LILRA4: variants seen among roughly 807,000 people sequenced by gnomAD.
The protein encoded by LILRA4 is leukocyte immunoglobulin-like receptor subfamily A member 4.
A neutral mutation model predicts 49.5 loss-of-function variants in LILRA4; 51 were observed. That is an observed-to-expected ratio of 1.03 (90% CI 0.82 to 1.30). LILRA4 has a LOEUF of 1.30. LILRA4 is among the 50% of genes most tolerant of loss of function. LILRA4 has a pLI of 0.00. For missense variants in LILRA4, 624 were observed against 625.6 expected, an observed-to-expected ratio of 1.00 and a Z score of 0.03; for synonymous variants, 272 against 265.6, an observed-to-expected ratio of 1.02 and a Z score of -0.23.
At position 54,338,522 on chromosome 19, in the gene LILRA4, A is replaced by G. The variant is rs758735214; in HGVS notation, c.229T>C (p.Ser77Pro). The change falls in exon 3 of 8, where the codon TCT becomes CCT. Residue 77 changes from serine to proline, a missense_variant. Coordinates refer to ENST00000291759, the MANE Select transcript of LILRA4 (RefSeq NM_012276.5). Reference sequence around the variant, plus strand: ...ATGGAGAGTTTGACCTTGTTTTCAGACTCCAGTGTTTTTAATATGTGCCTC... The same window carrying G: ...ATGGAGAGTTTGACCTTGTTTTCAGGCTCCAGTGTTTTTAATATGTGCCTC... ...MSRHILKTLESENKVKLSIPS... is the reference protein window; with the variant it reads ...MSRHILKTLEPENKVKLSIPS... 1 of 1,613,614 alleles carries G rather than the reference A, an allele frequency of 6.2e-7. No individual in the cohort carries two copies. Among genetic ancestry groups the G allele is most frequent in the South Asian group, 1.1e-5 (1 of 91,054 alleles).
Position 54,338,660 on chromosome 19 carries a change from G to A in LILRA4, c.91C>T (p.Leu31=). ...VQAENLLKPI[L]WAEPGPVITW... ...ATCACGGGACCTGGCTCGGCCCACA[G>A]GATGGGTTTGAGTAGGTTTTCTGGA... The change falls in exon 3 of 8, where the codon CTG becomes TTG. Residue 31 remains leucine, a synonymous_variant. Coordinates refer to ENST00000291759, the MANE Select transcript of LILRA4 (RefSeq NM_012276.5). 1 of 1,611,150 alleles carries A rather than the reference G, an allele frequency of 6.2e-7. No homozygotes were observed. Among genetic ancestry groups the A allele is most frequent in the Non-Finnish European group, 8.5e-7 (1 of 1,178,426 alleles).
intron 3 of LILRA4, 45 bp downstream of exon 3, chr19:54,338,351 C>A: frequency 1.2e-6 from 2 of 1,610,082 alleles, no homozygotes; most frequent in Non-Finnish European, 1.7e-6. Context: ...CGACCCCCTT[C>A]CCGAGGGCAG....
At chr19:54,337,341 C>T (rs2081336858) in intron 5 of LILRA4, 59 bp downstream of exon 5, 2 of 1,590,690 alleles carry the variant, frequency 1.3e-6, no homozygotes, top group African/African-American at 2.7e-5. Flanking sequence ...ACCTGGGCTC[C>T]CCCAGCAGGG....
Position 54,333,691 on chromosome 19 carries a change from C to G in LILRA4, c.1381G>C (p.Gly461Arg). 1 of 1,614,074 alleles carries G rather than the reference C, an allele frequency of 6.2e-7. No individual in the cohort carries two copies. The highest frequency in any genetic ancestry group is 1.3e-5 in the African/African-American group (1 of 74,994). Residue 461 changes from glycine to arginine, a missense_variant, in exon 8 of 8, where the codon GGG becomes CGG. Gly to Arg is a moderately radical substitution (Grantham distance 125, BLOSUM62 -2). Coordinates refer to ENST00000291759, the MANE Select transcript of LILRA4 (RefSeq NM_012276.5). ...TGCTGAGCCTCAAATAACAGAATCC[C>G]GAGGAACAGCAGGACCAAGCCAGCC... Reference protein sequence around the residue: ...GVAGLVLLFLGILLFEAQHSQ... With the variant: ...GVAGLVLLFLRILLFEAQHSQ...
chr19:54,333,438 C>T lies in LILRA4; in HGVS notation c.*134G>A. 1 of 832,914 alleles carries T rather than the reference C, an allele frequency of 1.2e-6. No homozygotes were observed. Among genetic ancestry groups the T allele is most frequent in the East Asian group, 2.6e-5 (1 of 38,674 alleles). 51.6% of individuals were successfully genotyped at this position (832,914 alleles called of 1,614,324 possible). A position where few individuals can be genotyped will look rare whatever the true frequency, so the allele number is the denominator to read the frequency against. ...GTCGACAATGAGGAGGAAAGCACCACAGTTTAATGGAGGAAGCATCTTCTA... is the reference window on the plus strand; with the variant it reads ...GTCGACAATGAGGAGGAAAGCACCATAGTTTAATGGAGGAAGCATCTTCTA... On this transcript the variant is annotated 3_prime_UTR_variant, in exon 8 of 8. Transcript: ENST00000291759.
Position 54,333,688 on chromosome 19 carries a change from TC to T in LILRA4, c.1383del (p.Ile462PhefsTer82). 1 of 1,613,998 alleles carries T rather than the reference TC, an allele frequency of 6.2e-7. No homozygotes were observed. Among genetic ancestry groups the T allele is most frequent in the East Asian group, 2.2e-5 (1 of 44,870 alleles). On this transcript the variant is annotated frameshift_variant, in exon 8 of 8. Coordinates refer to ENST00000291759, the MANE Select transcript of LILRA4 (RefSeq NM_012276.5). LOFTEE classifies it low-confidence loss of function (END_TRUNC). ...CTGTGCTGAGCCTCAAATAACAGAA[TC>T]CCGAGGAACAGCAGGACCAAGCCAG... Reference protein sequence around the residue: ...GVAGLVLLFLGILLFEAQHSQ... With the variant: ...GVAGLVLLFLXILLFEAQHSQ...
intron 5 of LILRA4, 63 bp from the exon 6 acceptor site, chr19:54,337,206 C>A (rs1031239834): frequency 3.2e-6 from 5 of 1,540,976 alleles, no homozygotes; most frequent in Non-Finnish European, 3.5e-6. Flanking sequence ...ACCTCCCCAC[C>A]AGTCCTCTCC....
rs377681130 is a variant in LILRA4, at chr19:54,339,045, C to A, written c.34+15G>T. The stretch of plus-strand genomic sequence containing the variant: ...TCCTAGACTAGGGTCTCTCCTCCCC[C>A]TCTTAAGATCTCACCAAAGAAGAGC... On this transcript the variant is annotated intron_variant, in intron 1 of 7. Coordinates refer to ENST00000291759, the MANE Select transcript of LILRA4 (RefSeq NM_012276.5). 1 of 1,614,028 alleles carries A rather than the reference C, an allele frequency of 6.2e-7. No homozygotes were observed. Among genetic ancestry groups the A allele is most frequent in the African/African-American group, 1.3e-5 (1 of 74,936 alleles).
At chr19:54,338,348 C>A in intron 3 of LILRA4, 48 bp downstream of exon 3, 1 of 1,609,536 alleles carries the variant, frequency 6.2e-7, no homozygotes, top group Non-Finnish European at 8.5e-7. Flanking sequence ...AGCCGACCCC[C>A]TTCCCGAGGG....
At chr19:54,339,001 C>T in intron 1 of LILRA4, 59 bp downstream of exon 1, 1 of 1,612,688 alleles carries the variant, frequency 6.2e-7, no homozygotes, top group Non-Finnish European at 8.5e-7. Context: ...TAAGGCATGG[C>T]TATGGATTGG....
At chr19:54,336,613 C>T in intron 6 of LILRA4, 1 of 713,464 alleles carries the variant, frequency 1.4e-6, no homozygotes, top group Non-Finnish European at 2.3e-6. Flanking sequence ...GGGCTGGGCC[C>T]TCCCCTGTGG....
At position 54,337,124 on chromosome 19, in the gene LILRA4, G is replaced by C; in HGVS notation, c.972C>G (p.Pro324=). 10 of 1,613,544 alleles carry C rather than the reference G, an allele frequency of 6.2e-6. No individual in the cohort carries two copies. Among genetic ancestry groups the C allele is most frequent in the Non-Finnish European group, 7.6e-6 (9 of 1,179,698 alleles). ...TGGGGCCCGGCTGCACTGAGAGGGA[G>C]GGTCTGTCAGAGATCTGTCCTGGAG... ...ILIAGQISDR[P]SLSVQPGPTV... Residue 324 remains proline (P), a synonymous_variant, in exon 6 of 8, where the codon CCC becomes CCG. Transcript: ENST00000291759.
rs147153616 is a variant in LILRA4 at position 54,338,482 on chromosome 19, C to T, written c.269G>A (p.Trp90Ter). 2.1e-5 allele frequency: 34 copies of T among 1,614,168 alleles called. No individual in the cohort carries two copies. In the Admixed American group the frequency reaches 4.7e-4, roughly 22 times the overall value. ...KVKLSIPSMM[W>*]EHAGRYHCYY... is the part of the protein sequence containing the mutation. ...ACAGTGATATCGCCCTGCATGTTCCCACATCATGGATGGGATGGAGAGTTT... is the reference window on the plus strand; with the variant it reads ...ACAGTGATATCGCCCTGCATGTTCCTACATCATGGATGGGATGGAGAGTTT... Residue 90 changes from tryptophan to a stop codon, truncating the protein, a stop_gained, in exon 3 of 8, where the codon TGG becomes TAG. Transcript: ENST00000291759. LOFTEE classifies it high-confidence loss of function.
At position 54,333,653 on chromosome 19, in the gene LILRA4, G is replaced by T; in HGVS notation, c.1419C>A (p.Ser473Arg). The T allele has an allele frequency of 6.2e-7, 1 of 1,614,120 alleles. No individual in the cohort carries two copies. The highest frequency in any genetic ancestry group is 8.5e-7 in the Non-Finnish European group (1 of 1,180,020). ...LLFEAQHSQR[S>R]PPRCSQEANS... ...TTGCCTCCTGGCTGCACCTTGGGGG[G>T]CTTCTCTGGCTGTGCTGAGCCTCAA... The change falls in exon 8 of 8, where the codon AGC (serine) becomes AGA (arginine). Residue 473 changes from serine (S) to arginine (R), a missense_variant. By Grantham distance (110) the Ser-to-Arg change is moderately radical (BLOSUM62 -1). Transcript: ENST00000291759.
Position 54,339,087 on chromosome 19 carries a change from G to A in LILRA4, c.7C>T (p.Leu3Phe). ...AAGAAGAGCAGGCTTGTGAGAATGAGGGTCATGGCATCTCCTCCTCCTGGC... is the reference window on the plus strand; with the variant it reads ...AAGAAGAGCAGGCTTGTGAGAATGAAGGTCATGGCATCTCCTCCTCCTGGC... MT[L>F]ILTSLLFFGL... The change falls in exon 1 of 8, where the codon CTC (leucine) becomes TTC (phenylalanine). Residue 3 changes from leucine to phenylalanine, a missense_variant. Transcript: ENST00000291759. The A allele has an allele frequency of 6.2e-7, 1 of 1,614,194 alleles. No individual in the cohort carries two copies. The highest frequency in any genetic ancestry group is 8.5e-7 in the Non-Finnish European group (1 of 1,180,026).
intron 3 of LILRA4, 39 bp from the exon 4 acceptor site, chr19:54,338,274 C>T: frequency 1.3e-6 from 2 of 1,594,302 alleles, no homozygotes; most frequent in South Asian, 2.3e-5. Flanking sequence ...TTAAATGGGG[C>T]TCACACCTCC....
At chr19:54,336,596 C>T in intron 6 of LILRA4, 1 of 650,918 alleles carries the variant, frequency 1.5e-6, no homozygotes, top group Non-Finnish European at 2.6e-6. Flanking sequence ...TATTTCCACC[C>T]TTCCATGGGC....
rs753400762 is a variant in LILRA4 at position 54,333,585 on chromosome 19, C to T, written c.1487G>A (p.Trp496Ter). The T allele has an allele frequency of 3.7e-6, 6 of 1,613,974 alleles. No homozygotes were observed. Among genetic ancestry groups the T allele is most frequent in the African/African-American group, 2.7e-5 (2 of 74,914 alleles). ...DNAPFRVVEP[W>*]EQI Reference sequence around the variant, plus strand: ...CTCCTCAGATCATCAGATCTGTTCCCAAGGCTCCACCACTCTGAAGGGTGC... The same window carrying T: ...CTCCTCAGATCATCAGATCTGTTCCTAAGGCTCCACCACTCTGAAGGGTGC... The change falls in exon 8 of 8, where the codon TGG becomes TAG. Residue 496 changes from tryptophan (W) to a stop codon, truncating the protein, a stop_gained. Coordinates refer to ENST00000291759, the MANE Select transcript of LILRA4 (RefSeq NM_012276.5). LOFTEE classifies it high-confidence loss of function.
chr19:54,338,716 C>G (rs763290793), intron 2 of LILRA4, 36 bp from the exon 3 acceptor site: 21 of 1,593,510 alleles, frequency 1.3e-5, no homozygotes, highest in Non-Finnish European at 1.6e-5. Context: ...CCAAGATGTC[C>G]TCAACCCTCA....
Sources: gnomAD v4.1 joint callset for allele counts on GRCh38, gnomAD v4.1.1 for gene constraint, MANE v1.5 for transcripts, NCBI Gene and HGNC (gene_info 2026-07-23, HGNC 2026-07-21) for gene names.